The following SAMD13 variants were observed in gnomAD, a reference collection of about 807,000 sequenced individuals.
The protein encoded by SAMD13 is sterile alpha motif domain-containing protein 13.
In SAMD13, 9 loss-of-function variants were observed where a neutral mutation model predicts 12.4. The ratio of observed to expected loss-of-function variants is 0.72; its 90% CI spans 0.44 to 1.26. The LOEUF (loss-of-function observed/expected upper bound fraction) is 1.26, where lower values mean the gene tolerates loss of function less well. Ranked by LOEUF, SAMD13 falls within the 50% of genes most tolerant of loss-of-function variation. The pLI is 0.00. For synonymous variants in SAMD13, 46 were observed against 45.4 expected, an observed-to-expected ratio of 1.01 and a Z score of -0.05; for missense variants, 84 against 119.6, an observed-to-expected ratio of 0.70 and a Z score of 1.39.
intron 2 of SAMD13, among the ~76,000 whole-genome samples, chr1:84,320,077 C>A (rs966873905): frequency 8.5e-5 from 13 of 152,288 alleles, no homozygotes; most frequent in African/African-American, 2.9e-4. Context: ...ACAACTGACC[C>A]GAGATTATCG....
chr1:84,342,894 G>T (rs1444454232), intron 3 of SAMD13, among the ~76,000 whole-genome samples: 7 of 152,118 alleles, frequency 4.6e-5, no homozygotes, highest in Non-Finnish European at 1.0e-4. Flanking sequence ...TACCGCAAAA[G>T]AAACTATCAT....
intron 3 of SAMD13, among the ~76,000 whole-genome samples, chr1:84,339,058 T>A (rs139245711): frequency 6.6e-6 from 1 of 152,336 alleles, no homozygotes; most frequent in African/African-American, 2.4e-5. Context: ...CATATATACC[T>A]TAGATTCCTT....
chr1:84,308,128 A>G (rs887303257), intron 2 of SAMD13, among the ~76,000 whole-genome samples: 54 of 152,144 alleles, frequency 3.5e-4, no homozygotes, highest in Non-Finnish European at 1.2e-4. Context: ...CCAATGACCA[A>G]TGTCTTGTGT....
intron 3 of SAMD13, among the ~76,000 whole-genome samples, chr1:84,346,944 T>C (rs1679547053): frequency 6.6e-6 from 1 of 152,216 alleles, no homozygotes; most frequent in African/African-American, 2.4e-5. Context: ...ACACATCCCA[T>C]TTCTTTCGAA....
intron 3 of SAMD13, among the ~76,000 whole-genome samples, chr1:84,334,946 T>A (rs1679262911): frequency 6.6e-6 from 1 of 152,166 alleles, no homozygotes; most frequent in Non-Finnish European, 1.5e-5. Context: ...TTTAATTTTC[T>A]GAGAATTGTT....
At chr1:84,332,516 A>C (rs569436622) in intron 3 of SAMD13, among the ~76,000 whole-genome samples, 1 of 152,152 alleles carries the variant, frequency 6.6e-6, no homozygotes, top group South Asian at 2.1e-4. Flanking sequence ...TGCTTATTAG[A>C]CATATTTATG....
chr1:84,317,449 T>A (rs1223968670), intron 2 of SAMD13, among the ~76,000 whole-genome samples: 3 of 152,098 alleles, frequency 2.0e-5, no homozygotes, highest in Non-Finnish European at 2.9e-5. Context: ...ACACTTTTTT[T>A]ATCTTAGACG....
At chr1:84,314,222 A>G (rs1448372730) in intron 2 of SAMD13, among the ~76,000 whole-genome samples, 1 of 152,136 alleles carries the variant, frequency 6.6e-6, no homozygotes, top group Non-Finnish European at 1.5e-5. Flanking sequence ...CCAACCGTGC[A>G]TACATGTACA....
intron 3 of SAMD13, among the ~76,000 whole-genome samples, chr1:84,344,192 G>C (rs1679484868): frequency 6.6e-6 from 1 of 151,852 alleles, no homozygotes; most frequent in Admixed American, 6.6e-5. Flanking sequence ...CTTACAGTGA[G>C]CCAAAATGGA....
Position 84,325,683 on chromosome 1 carries a change from A to G in SAMD13, c.100A>G (p.Met34Val), listed in dbSNP as rs754177834. The G allele has an allele frequency of 6.2e-7, 1 of 1,613,590 alleles. No individual in the cohort carries two copies. The highest frequency in any genetic ancestry group is 2.2e-5 in the East Asian group (1 of 44,866). Residue 34 changes from methionine to valine, a missense_variant, in exon 3 of 4, where the codon ATG becomes GTG. Coordinates refer to ENST00000394834, the MANE Select transcript of SAMD13 (RefSeq NM_001134663.2). ...RPPDPADWAV[M>V]DVVNYFRTVG... is the part of the protein sequence containing the mutation. ...ACCTGATCCTGCAGACTGGGCCGTG[A>G]TGGATGTCGTCAATTATTTCCGAAC...
At chr1:84,345,090 A>C (rs1392333283) in intron 3 of SAMD13, 1 of 456,688 alleles carries the variant, frequency 2.2e-6, no homozygotes, top group Non-Finnish European at 4.4e-6. Context: ...CTCCAGAGCA[A>C]GTACCTCTAC....
At position 84,321,700 on chromosome 1, in the gene SAMD13, A is replaced by G. The variant is rs146604844; in HGVS notation, c.54-3937A>G. On this transcript the variant is annotated intron_variant, in intron 2 of 3. Transcript: ENST00000394834. ...TTGGACAAAATATCAGTCCTTGGGG[A>G]GACATATTGTATTCCTAGCAGAGAA... 2.2e-4 allele frequency among the ~76,000 whole-genome samples: 33 copies of G among 152,316 alleles called. No homozygotes were observed. The East Asian group carries it at 6.4e-3, about 29-fold the overall frequency.
chr1:84,313,833 A>T (rs1239327045), intron 2 of SAMD13, among the ~76,000 whole-genome samples: 1 of 152,140 alleles, frequency 6.6e-6, no homozygotes. Context: ...CATAAAAAAA[A>T]TTTTGGAACT....
At chr1:84,313,270 A>G (rs1478889555) in intron 2 of SAMD13, among the ~76,000 whole-genome samples, 1 of 152,178 alleles carries the variant, frequency 6.6e-6, no homozygotes, top group East Asian at 1.9e-4. Flanking sequence ...CTTTTATTGA[A>G]CAAATGGGAT....
chr1:84,344,520 C>T (rs772221843), intron 3 of SAMD13, among the ~76,000 whole-genome samples: 1 of 152,150 alleles, frequency 6.6e-6, no homozygotes, highest in African/African-American at 2.4e-5. Flanking sequence ...CAAAGAGGAA[C>T]TTCTCTCCAG....
At chr1:84,302,338 T>G (rs1375412336) in intron 1 of SAMD13, among the ~76,000 whole-genome samples, 2 of 2,076 alleles carry the variant, frequency 9.6e-4, no homozygotes, top group East Asian at 0.014. Context: ...TGTTTCTTCC[T>G]TTTTTTTTTT....
At chr1:84,299,640 AGTGT>A, upstream of SAMD13, 1 of 1,450,448 alleles carries the variant, frequency 6.9e-7, no homozygotes, top group Non-Finnish European at 9.3e-7. Context: ...TGTTGGAGGG[AGTGT>A]GTGAGTACTA....
chr1:84,302,718 T>G, intron 1 of SAMD13: 3 of 983,886 alleles, frequency 3.0e-6, no homozygotes, highest in Non-Finnish European at 3.6e-6. Flanking sequence ...GACAAAAGCT[T>G]TAAGTGTCCT....
chr1:84,324,115 C>T (rs539669801), intron 2 of SAMD13, among the ~76,000 whole-genome samples: 12 of 152,316 alleles, frequency 7.9e-5, no homozygotes, highest in South Asian at 4.1e-4. Flanking sequence ...TTTTCACATA[C>T]ACCACCCTAG....
Sources: allele counts gnomAD v4.1 joint callset (sites outside exome capture counted in the v4.1 genomes callset), GRCh38; gene constraint gnomAD v4.1.1; transcripts MANE v1.5; gene names NCBI Gene and HGNC (gene_info 2026-07-23, HGNC 2026-07-21).